The following WDR7 variants were observed in gnomAD, a reference collection of about 807,000 sequenced individuals.
The protein encoded by WDR7 is WD repeat-containing protein 7.
Under a neutral mutation model 169.4 loss-of-function variants are expected in WDR7, and 46 were observed. That is an observed-to-expected ratio of 0.27 (90% confidence interval 0.21 to 0.35). WDR7 has a LOEUF of 0.35. Ranked by LOEUF, WDR7 falls within the 10% of genes least tolerant of loss-of-function variation. The pLI is 1.00. For synonymous variants in WDR7, 612 were observed against 666.8 expected (o/e 0.92, Z 1.27); for missense variants, 1,534 against 1,859.3 (o/e 0.83, Z 3.22).
At chr18:56,679,300 G>C (rs1371821959) in intron 2 of WDR7, 32 bp from the exon 3 acceptor site, 25 of 1,546,628 alleles carry the variant, frequency 1.6e-5, no homozygotes, top group Non-Finnish European at 2.0e-5. Context: ...TTTAAGTTTG[G>C]TACTTAAACT....
At chr18:56,737,533 T>C (rs1043687359) in intron 14 of WDR7, among the ~76,000 whole-genome samples, 5 of 152,194 alleles carry the variant, frequency 3.3e-5, no homozygotes, top group Admixed American at 3.3e-4. Context: ...TGATTTATCT[T>C]TTACCTTACA....
At chr18:56,866,757 A>C (rs910376541) in intron 20 of WDR7, among the ~76,000 whole-genome samples, 6 of 152,164 alleles carry the variant, frequency 3.9e-5, no homozygotes, top group African/African-American at 7.2e-5. Context: ...AGGAGTTTTC[A>C]GTAAAGTTTA....
At chr18:56,764,505 A>T (rs894907095) in intron 16 of WDR7, among the ~76,000 whole-genome samples, 2 of 152,170 alleles carry the variant, frequency 1.3e-5, no homozygotes, top group Non-Finnish European at 2.9e-5. Context: ...CTAGCTAATT[A>T]ACATATCTAT....
chr18:56,711,403 A>T (rs1032483492), intron 12 of WDR7, among the ~76,000 whole-genome samples: 1 of 152,088 alleles, frequency 6.6e-6, no homozygotes, highest in Admixed American at 6.6e-5. Context: ...AGCTATCACA[A>T]TGTTATTTAT....
intron 26 of WDR7, among the ~76,000 whole-genome samples, chr18:56,970,512 A>G (rs976149380): frequency 6.6e-6 from 1 of 152,214 alleles, no homozygotes; most frequent in Admixed American, 6.5e-5. Context: ...AAATTTATTT[A>G]ACATACTTTT....
intron 26 of WDR7, among the ~76,000 whole-genome samples, chr18:56,990,900 A>G (rs1599225181): frequency 6.6e-6 from 1 of 152,078 alleles, no homozygotes; most frequent in South Asian, 2.1e-4. Context: ...CCATTTCCCC[A>G]TTCCGGGTTC....
intron 8 of WDR7, 138 bp downstream of exon 8, chr18:56,691,499 T>G: frequency 1.8e-6 from 2 of 1,124,246 alleles, no homozygotes; most frequent in East Asian, 2.9e-5. Flanking sequence ...TTAAGTTAGA[T>G]TTTTAATTCC....
chr18:56,984,828 T>A (rs1036613772), intron 26 of WDR7, among the ~76,000 whole-genome samples: 1 of 152,168 alleles, frequency 6.6e-6, no homozygotes, highest in African/African-American at 2.4e-5. Context: ...TGGGGGCGGT[T>A]TTCCTACAGC....
At chr18:56,955,921 A>G (rs1225000666) in intron 25 of WDR7, among the ~76,000 whole-genome samples, 2 of 152,286 alleles carry the variant, frequency 1.3e-5, no homozygotes, top group African/African-American at 4.8e-5. Flanking sequence ...TTTCTCAGCC[A>G]TTGTACCTCA....
intron 14 of WDR7, among the ~76,000 whole-genome samples, chr18:56,737,386 T>G (rs1428259505): frequency 6.6e-6 from 1 of 152,226 alleles, no homozygotes; most frequent in Non-Finnish European, 1.5e-5. Flanking sequence ...ATTACTGCCG[T>G]GAAATTAATT....
downstream of WDR7, chr18:57,033,099 G>T (rs193087849): frequency 2.6e-5 from 4 of 152,026 alleles, no homozygotes; most frequent in Middle Eastern, 3.4e-3. Flanking sequence ...TATGCCAAGC[G>T]TATGTTCTTT....
intron 26 of WDR7, among the ~76,000 whole-genome samples, chr18:56,968,067 A>G (rs1433290536): frequency 6.6e-6 from 1 of 152,122 alleles, no homozygotes; most frequent in Non-Finnish European, 1.5e-5. Context: ...CCACTTTGGT[A>G]GATGTAGGCA....
At chr18:56,947,530 C>T (rs1245321227) in intron 25 of WDR7, among the ~76,000 whole-genome samples, 1 of 152,206 alleles carries the variant, frequency 6.6e-6, no homozygotes, top group African/African-American at 2.4e-5. Context: ...ACTGAAATTT[C>T]TTCAGAATTC....
At chr18:56,775,369 C>T (rs1043957984) in intron 16 of WDR7, among the ~76,000 whole-genome samples, 6 of 152,022 alleles carry the variant, frequency 3.9e-5, no homozygotes, top group African/African-American at 1.2e-4. Flanking sequence ...CAACTTTTTG[C>T]ATGGAGGATG....
intron 20 of WDR7, among the ~76,000 whole-genome samples, chr18:56,822,635 C>T (rs1461830611): frequency 6.6e-6 from 1 of 152,150 alleles, no homozygotes; most frequent in African/African-American, 2.4e-5. Flanking sequence ...CTTTCTCATT[C>T]TTTAACTGAT....
At chr18:56,944,877 C>G (rs929873272) in intron 25 of WDR7, among the ~76,000 whole-genome samples, 3 of 152,074 alleles carry the variant, frequency 2.0e-5, no homozygotes, top group African/African-American at 7.2e-5. Context: ...AAAGAAGACA[C>G]TATGTAAATG....
At chr18:56,710,192 A>G (rs1041216314) in intron 12 of WDR7, among the ~76,000 whole-genome samples, 1 of 151,786 alleles carries the variant, frequency 6.6e-6, no homozygotes, top group African/African-American at 2.4e-5. Context: ...TTTAGTAGAC[A>G]CGGGGTTTCA....
intron 26 of WDR7, among the ~76,000 whole-genome samples, chr18:56,985,804 G>T (rs1022548668): frequency 2.0e-5 from 3 of 151,984 alleles, no homozygotes; most frequent in African/African-American, 7.2e-5. Flanking sequence ...ATGTCAAAAG[G>T]AGCTCAGAGA....
intron 21 of WDR7, among the ~76,000 whole-genome samples, chr18:56,882,809 A>G (rs973476235): frequency 2.6e-5 from 4 of 152,346 alleles, no homozygotes; most frequent in South Asian, 4.1e-4. Context: ...TAAGTCTAAC[A>G]TATTTTGTGT....
Sources: gnomAD v4.1 joint callset for allele counts (sites outside exome capture counted in the v4.1 genomes callset) on GRCh38, gnomAD v4.1.1 for gene constraint, MANE v1.5 for transcripts, NCBI Gene and HGNC (gene_info 2026-07-23, HGNC 2026-07-21) for gene names.